The following UVRAG variants were observed in gnomAD, a reference collection of about 807,000 sequenced individuals.
UVRAG encodes the protein UV radiation resistance-associated gene protein.
A neutral mutation model predicts 78.0 loss-of-function variants in UVRAG; 19 were observed. That is an observed-to-expected ratio of 0.24 (90% CI 0.17 to 0.36). The LOEUF is 0.36. UVRAG is among the 10% of genes least tolerant of loss of function. The pLI, the probability that UVRAG is intolerant of heterozygous loss-of-function variation, is 1.00. For synonymous variants in UVRAG, 323 were observed against 324.6 expected, an observed-to-expected ratio of 1.00 and a Z score of 0.05; for missense variants, 740 against 853.8, an observed-to-expected ratio of 0.87 and a Z score of 1.66.
At chr11:75,853,258 C>CTT (rs113746488) in intron 2 of UVRAG, among the ~76,000 whole-genome samples, 22 of 151,938 alleles carry the variant, frequency 1.4e-4, no homozygotes, top group East Asian at 1.4e-3. Context: ...TGTTTAACAA[C>CTT]TTTTTTTAAT....
intron 13 of UVRAG, among the ~76,000 whole-genome samples, chr11:76,088,002 G>A (rs1416775887): frequency 6.6e-6 from 1 of 152,168 alleles, no homozygotes; most frequent in East Asian, 1.9e-4. Flanking sequence ...GCTCCCTGGG[G>A]TCAGGTGGCT....
intron 3 of UVRAG, among the ~76,000 whole-genome samples, chr11:75,862,471 A>G (rs1227819183): frequency 2.2e-4 from 33 of 152,190 alleles, no homozygotes; most frequent in Admixed American, 1.8e-3. Flanking sequence ...GTCCAGTACC[A>G]TCTTGGATTT....
intron 5 of UVRAG, among the ~76,000 whole-genome samples, chr11:75,901,067 G>C (rs1272852576): frequency 6.6e-6 from 1 of 152,174 alleles, no homozygotes; most frequent in Non-Finnish European, 1.5e-5. Flanking sequence ...ATGCTTAACA[G>C]AGATACGTAC....
intron 6 of UVRAG, among the ~76,000 whole-genome samples, chr11:75,923,717 C>T (rs886412999): frequency 6.6e-6 from 1 of 152,090 alleles, no homozygotes; most frequent in African/African-American, 2.4e-5. Flanking sequence ...TCCATTTTTT[C>T]CTGCTTCTCC....
intron 7 of UVRAG, among the ~76,000 whole-genome samples, chr11:75,982,345 C>T (rs1375391992): frequency 6.6e-6 from 1 of 152,194 alleles, no homozygotes; most frequent in Non-Finnish European, 1.5e-5. Flanking sequence ...CCCACTAGGC[C>T]TCCAATGATA....
intron 1 of UVRAG, among the ~76,000 whole-genome samples, chr11:75,849,425 C>T (rs550688189): frequency 4.5e-4 from 67 of 147,744 alleles, no homozygotes; most frequent in African/African-American, 1.4e-3. Context: ...ACCTGGGAGG[C>T]GGAGCTTGCA....
At chr11:76,128,828 T>G (rs1389771249) in intron 14 of UVRAG, among the ~76,000 whole-genome samples, 1 of 152,174 alleles carries the variant, frequency 6.6e-6, no homozygotes, top group Non-Finnish European at 1.5e-5. Context: ...TCCCTGTGTT[T>G]TGTTTTGTTT....
rs1489229602 is a variant in UVRAG, at chr11:76,093,274, T to C, written c.1306-22650T>C. ...TGGTTACTGTAGCCTTGTAGTGTAG[T>C]TTGGAGTCAGGTAGCGTGATGCCTC... On this transcript the variant is annotated intron_variant, in intron 13 of 14. Coordinates refer to ENST00000356136, the MANE Select transcript of UVRAG (RefSeq NM_003369.4). Among the ~76,000 whole-genome samples, 11 of 152,304 alleles carry C rather than the reference T, an allele frequency of 7.2e-5. No homozygotes were observed. In the East Asian group the frequency reaches 2.1e-3, roughly 29 times the overall value.
At chr11:76,032,529 A>G in intron 12 of UVRAG, among the ~76,000 whole-genome samples, 1 of 152,220 alleles carries the variant, frequency 6.6e-6, no homozygotes, top group East Asian at 1.9e-4. Context: ...GAGCACTAGG[A>G]CATACTAGTC....
intron 13 of UVRAG, among the ~76,000 whole-genome samples, chr11:76,070,389 G>A (rs561864727): frequency 6.6e-6 from 1 of 152,244 alleles, no homozygotes; most frequent in South Asian, 2.1e-4. Context: ...TATACAGAAT[G>A]AGGATTATAG....
chr11:75,921,865 A>T (rs148596730), intron 6 of UVRAG, among the ~76,000 whole-genome samples: 27 of 152,106 alleles, frequency 1.8e-4, no homozygotes, highest in African/African-American at 6.5e-4. Flanking sequence ...ATATACTGGG[A>T]TCTATTTCTG....
intron 14 of UVRAG, among the ~76,000 whole-genome samples, chr11:76,132,462 G>A (rs1952529276): frequency 6.6e-6 from 1 of 152,012 alleles, no homozygotes; most frequent in South Asian, 2.1e-4. Context: ...ATTTGAGACT[G>A]TGAATTGTAC....
At chr11:76,053,308 AACACACACAC>A (rs377457433) in intron 12 of UVRAG, among the ~76,000 whole-genome samples, 10 of 140,696 alleles carry the variant, frequency 7.1e-5, no homozygotes, top group South Asian at 4.5e-4. Flanking sequence ...TCTGTCTCAA[AACACACACAC>A]ACACACACAC....
At chr11:76,100,691 C>T (rs139999232) in intron 13 of UVRAG, among the ~76,000 whole-genome samples, 197 of 152,216 alleles carry the variant, frequency 1.3e-3, no homozygotes, top group African/African-American at 4.6e-3. Flanking sequence ...TTGATGTACA[C>T]ATTATTTCAT....
chr11:75,897,390 A>G (rs1008863721), intron 5 of UVRAG, among the ~76,000 whole-genome samples: 1 of 152,176 alleles, frequency 6.6e-6, no homozygotes, highest in Non-Finnish European at 1.5e-5. Context: ...AGGGAATATT[A>G]GTTATCTAGC....
chr11:75,951,471 C>T (rs1174303617), intron 6 of UVRAG, among the ~76,000 whole-genome samples: 1 of 152,086 alleles, frequency 6.6e-6, no homozygotes, highest in Non-Finnish European at 1.5e-5. Flanking sequence ...CAACCTCTGC[C>T]TCCCAGGTTC....
chr11:76,112,569 T>C (rs1276493885), intron 13 of UVRAG, among the ~76,000 whole-genome samples: 6 of 152,226 alleles, frequency 3.9e-5, no homozygotes, highest in African/African-American at 1.4e-4. Flanking sequence ...TGTAGGAATA[T>C]AATGCAGCAG....
At chr11:75,897,160 C>T (rs1247363263) in intron 5 of UVRAG, among the ~76,000 whole-genome samples, 1 of 152,136 alleles carries the variant, frequency 6.6e-6, no homozygotes, top group Admixed American at 6.5e-5. Flanking sequence ...ACAAAAATAA[C>T]CATATAACTT....
At chr11:75,969,971 A>G (rs986630302) in intron 7 of UVRAG, among the ~76,000 whole-genome samples, 1 of 152,186 alleles carries the variant, frequency 6.6e-6, no homozygotes, top group African/African-American at 2.4e-5. Flanking sequence ...TGTAGTTACA[A>G]TTTTAATTGT....
Sources: gnomAD v4.1 joint callset for allele counts (sites outside exome capture counted in the v4.1 genomes callset) on GRCh38, gnomAD v4.1.1 for gene constraint, MANE v1.5 for transcripts, NCBI Gene and HGNC (gene_info 2026-07-23, HGNC 2026-07-21) for gene names.